Variants in TYK2 observed in about 807,000 individuals in gnomAD.
TYK2 encodes non-receptor tyrosine-protein kinase TYK2.
A neutral mutation model predicts 130.9 loss-of-function variants in TYK2; 65 were observed. That is an observed-to-expected ratio of 0.50 (90% CI 0.41 to 0.61). The LOEUF is 0.61. Among genes scored for constraint, TYK2 ranks in the 20% least tolerant of loss-of-function variants. The pLI, the probability that TYK2 is intolerant of heterozygous loss-of-function variation, is 0.00. For synonymous variants in TYK2, 647 were observed against 658.9 expected, an observed-to-expected ratio of 0.98 and a Z score of 0.28; for missense variants, 1,378 against 1,610.7, an observed-to-expected ratio of 0.86 and a Z score of 2.47.
chr19:10,364,925 C>G lies in TYK2; in HGVS notation c.1135G>C (p.Asp379His). The G allele has an allele frequency of 6.2e-7, 1 of 1,614,218 alleles. No homozygotes were observed. Residue 379 changes from aspartate (D) to histidine (H), a missense_variant, in exon 8 of 25, where the codon GAC becomes CAC. Asp to His is a moderately conservative substitution (Grantham distance 81). Coordinates refer to ENST00000525621, the MANE Select transcript of TYK2 (RefSeq NM_003331.5). This position sits in a 1 kb window ranked among gnomAD's most constrained non-coding sequence, Gnocchi z 4.9. ...ACCACGTGGGTGATGTCCCGGAAGT[C>G]ACAGAAGTAGGCCCACAGTGGCTCC... ...PREPLWAYFCDFRDITHVVLK... is the reference protein window; with the variant it reads ...PREPLWAYFCHFRDITHVVLK...
intron 18 of TYK2, among the ~76,000 whole-genome samples, chr19:10,355,004 T>A (rs1599330883): frequency 1.5e-5 from 2 of 136,992 alleles, no homozygotes. Context: ...CTGCAGTGAG[T>A]CTGGGCCACA....
Position 10,365,060 on chromosome 19 carries a change from G to GC in TYK2, c.1012-13dup, listed in dbSNP as rs753914804. 1.3e-6 allele frequency: 2 copies of GC among 1,596,336 alleles called. No homozygotes were observed. Among genetic ancestry groups the GC allele is most frequent in the African/African-American group, 2.7e-5 (2 of 74,708 alleles). Reference sequence around the variant, plus strand: ...CTGCCACTAGAACCCTGAACACCCAGCAAGTGGGGCAGAGGATGGAGAGGG... The same window carrying GC: ...CTGCCACTAGAACCCTGAACACCCAGCCAAGTGGGGCAGAGGATGGAGAGGG... On this transcript the variant is annotated splice_polypyrimidine_tract_variant and intron_variant, in intron 7 of 24. Coordinates refer to ENST00000525621, the MANE Select transcript of TYK2 (RefSeq NM_003331.5).
rs907971702 is a variant in TYK2, at chr19:10,353,819, G to A, written c.2909-173C>T. 4.4e-6 allele frequency: 3 copies of A among 680,176 alleles called. No individual in the cohort carries two copies. The highest frequency in any genetic ancestry group is 7.4e-6 in the Non-Finnish European group (3 of 405,196). The allele number at this position is 680,176 out of a possible 1,614,324, so 42.1% of individuals were successfully genotyped here. A position where few individuals can be genotyped will look rare whatever the true frequency, so the allele number is the denominator to read the frequency against. On this transcript the variant is annotated intron_variant, in intron 20 of 24. Coordinates refer to ENST00000525621, the MANE Select transcript of TYK2 (RefSeq NM_003331.5). This position sits in a 1 kb window ranked among gnomAD's most constrained non-coding sequence, Gnocchi z 6.9. The stretch of plus-strand genomic sequence containing the variant: ...ATCCAGAACCCCATTCTCACTTGAG[G>A]GAGCTGCTGGTGGCTCCCGTCCATC...
In TYK2 at chr19:10,361,974, C is replaced by G. The variant is rs1396049382; in HGVS notation, c.1774-19G>C. 2.5e-6 allele frequency: 4 copies of G among 1,614,008 alleles called. No individual in the cohort carries two copies. In the South Asian group the frequency reaches 4.4e-5, roughly 18 times the overall value. ...GGGACAGCTGCGGGATCATGTGGCACAGAATACCGCCATGGTGAAAGTTAG... is the reference window on the plus strand; with the variant it reads ...GGGACAGCTGCGGGATCATGTGGCAGAGAATACCGCCATGGTGAAAGTTAG... On this transcript the variant is annotated intron_variant, in intron 12 of 24. Transcript: ENST00000525621. The surrounding 1 kb of genome is among the most constrained non-coding windows in gnomAD (Gnocchi z 4.0).
chr19:10,362,044 C>G, intron 12 of TYK2, 34 bp downstream of exon 12: 12 of 1,613,390 alleles, frequency 7.4e-6, no homozygotes, highest in Non-Finnish European at 1.0e-5. Flanking sequence ...CCCAGGGGCC[C>G]TGCCCTTGCC....
chr19:10,350,939 C>G lies in TYK2; in HGVS notation c.3459G>C (p.Glu1153Asp). 6.2e-7 allele frequency: 1 copy of G among 1,614,226 alleles called. No homozygotes were observed. Residue 1153 changes from glutamate to aspartate, a missense_variant, in exon 25 of 25, where the codon GAG becomes GAC. Glu to Asp is a conservative substitution (Grantham distance 45). Transcript: ENST00000525621. The stretch of plus-strand genomic sequence containing the variant: ...AGGTTGGGCGAAAGGACGCCTCTGT[C>G]TCCCAGCAGTTCTTCATGAGATGAT... ...EVYHLMKNCW[E>D]TEASFRPTFE... is the part of the protein sequence containing the mutation.
intron 3 of TYK2, chr19:10,369,840 A>G (rs12720248): frequency 0.079 from 33,065 of 416,214 alleles, 1,626 homozygotes; most frequent in African/African-American, 0.16. Context: ...TCAGGAGATC[A>G]AGACCATCTT....
chr19:10,356,139 G>A (rs12720312), intron 18 of TYK2, among the ~76,000 whole-genome samples: 96 of 152,268 alleles, frequency 6.3e-4, no homozygotes, highest in African/African-American at 2.0e-3. Context: ...AGCAATTTGG[G>A]AGGCTGAAGC....
At chr19:10,352,271 A>G (rs1041354622) in intron 23 of TYK2, among the ~76,000 whole-genome samples, 163 bp downstream of exon 23, 1 of 150,316 alleles carries the variant, frequency 6.7e-6, no homozygotes, top group Admixed American at 6.7e-5. Flanking sequence ...GACGGGTTTC[A>G]CCGTGTTAGC....
intron 3 of TYK2, 157 bp from the exon 4 acceptor site, chr19:10,368,575 G>A (rs954091529): frequency 2.5e-5 from 26 of 1,045,224 alleles, no homozygotes; most frequent in Non-Finnish European, 3.2e-5. Context: ...AGGACAGTGC[G>A]TATGTTGCCC....
chr19:10,351,021 T>C, intron 24 of TYK2, 31 bp downstream of exon 24: 1 of 1,614,112 alleles, frequency 6.2e-7, no homozygotes, highest in Non-Finnish European at 8.5e-7. Flanking sequence ...AGCAGGATAG[T>C]GGGGTCAGGG....
intron 3 of TYK2, among the ~76,000 whole-genome samples, chr19:10,377,400 GTGGATGGATGGATGGA>G (rs766675211): frequency 1.1e-4 from 12 of 105,430 alleles, no homozygotes; most frequent in Middle Eastern, 5.2e-3. Context: ...GGGTGGGTGG[GTGGATGGATGGATGGA>G]TGGATGGATG....
chr19:10,373,065 T>C (rs2041983887), intron 3 of TYK2, among the ~76,000 whole-genome samples: 1 of 151,330 alleles, frequency 6.6e-6, no homozygotes. Context: ...GATAGAGTTT[T>C]TGCTCTTGTT....
Position 10,353,514 on chromosome 19 carries a change from C to T in TYK2, c.3027+14G>A. 1 of 1,487,660 alleles carries T rather than the reference C, an allele frequency of 6.7e-7. No individual in the cohort carries two copies. Among genetic ancestry groups the T allele is most frequent in the Non-Finnish European group, 9.0e-7 (1 of 1,112,980 alleles). 92.2% of individuals were successfully genotyped at this position (1,487,660 alleles called of 1,614,324 possible). A position where few individuals can be genotyped will look rare whatever the true frequency, so the allele number is the denominator to read the frequency against. ...AAGGGGCAAGCTCCAGAAGCAGGGG[C>T]GGGGCCGACCAACCTCGCAGATCTG... On this transcript the variant is annotated intron_variant, in intron 21 of 24. Transcript: ENST00000525621. The surrounding 1 kb of genome is among the most constrained non-coding windows in gnomAD (Gnocchi z 6.9).
At chr19:10,365,119 G>C in intron 7 of TYK2, 71 bp from the exon 8 acceptor site, 2 of 1,468,216 alleles carry the variant, frequency 1.4e-6, no homozygotes, top group South Asian at 2.7e-5. Flanking sequence ...ACTTTCCCCT[G>C]GGGAGAGACT....
Position 10,354,183 on chromosome 19 carries a change from T to C in TYK2, c.2767A>G (p.Thr923Ala). Residue 923 changes from threonine to alanine, a missense_variant, in exon 20 of 25, where the codon ACT (threonine) becomes GCT (alanine). Physicochemically the swap from Thr to Ala is moderately conservative, Grantham distance 58 (BLOSUM62 0). Transcript: ENST00000525621. ...LYCYDPTNDG[T>A]GEMVAVKALK... ...GCTTTCACCGCCACCATCTCGCCAG[T>C]GCCGTCGTTGGTCGGATCGTAGCAG... 3 of 1,613,850 alleles carry C rather than the reference T, an allele frequency of 1.9e-6. No homozygotes were observed. Among genetic ancestry groups the C allele is most frequent in the Non-Finnish European group, 2.5e-6 (3 of 1,180,026 alleles).
chr19:10,358,154 G>C lies in TYK2; in HGVS notation c.2176-16C>G, dbSNP rs774808382. 2 of 1,597,330 alleles carry C rather than the reference G, an allele frequency of 1.3e-6. No individual in the cohort carries two copies. The highest frequency in any genetic ancestry group is 2.3e-5 in the South Asian group (2 of 88,788). ...TCTTGTTCTCCTGAGGTGGGCAGGA[G>C]AGGGGGTGTGGCCACTCAGGAGAGG... On this transcript the variant is annotated splice_polypyrimidine_tract_variant and intron_variant, in intron 15 of 24. Transcript: ENST00000525621.
chr19:10,351,175 C>A lies in TYK2; in HGVS notation c.3319-13G>T, dbSNP rs1426555874. ...GCTCAAGGAATTTCTACAGTATAAACAAGACAAGCTCTTTTCAAGAGGCAA... is the reference window on the plus strand; with the variant it reads ...GCTCAAGGAATTTCTACAGTATAAAAAAGACAAGCTCTTTTCAAGAGGCAA... On this transcript the variant is annotated splice_polypyrimidine_tract_variant and intron_variant, in intron 23 of 24. Coordinates refer to ENST00000525621, the MANE Select transcript of TYK2 (RefSeq NM_003331.5). 2 of 1,607,118 alleles carry A rather than the reference C, an allele frequency of 1.2e-6. No individual in the cohort carries two copies. The highest frequency in any genetic ancestry group is 3.3e-5 in the Admixed American group (2 of 59,734).
In TYK2 at chr19:10,364,721, C is replaced by T. The variant is rs1488118657; in HGVS notation, c.1260G>A (p.Val420=). Residue 420 remains valine (V), a synonymous_variant, in exon 9 of 25, where the codon GTG becomes GTA. Transcript: ENST00000525621. This position sits in a 1 kb window ranked among gnomAD's most constrained non-coding sequence, Gnocchi z 4.9. ...RAAALSFVSL[V]DGYFRLTADS... ...CGGCCGTCAGGCGGAAATAGCCGTC[C>T]ACCAGCGACACGAAGGACAGCGCCG... The T allele has an allele frequency of 1.9e-6, 3 of 1,613,706 alleles. No individual in the cohort carries two copies. The highest frequency in any genetic ancestry group is 1.3e-5 in the African/African-American group (1 of 74,942).
Sources: allele counts gnomAD v4.1 joint callset (sites outside exome capture counted in the v4.1 genomes callset), GRCh38; gene constraint gnomAD v4.1.1; non-coding constraint Gnocchi (gnomAD v3.1); transcripts MANE v1.5; gene names NCBI Gene and HGNC (gene_info 2026-07-23, HGNC 2026-07-21).